PLXNA4: variants seen among roughly 807,000 people sequenced by gnomAD.
The protein encoded by PLXNA4 is plexin-A4.
In PLXNA4, 44 loss-of-function variants were observed where a neutral mutation model predicts 191.8. That is an observed-to-expected ratio of 0.23 (90% CI 0.18 to 0.29). PLXNA4 has a LOEUF of 0.29. PLXNA4 is among the 10% of genes least tolerant of loss of function. The pLI is 1.00. For missense variants in PLXNA4, 1,800 were observed against 2,488.8 expected, an observed-to-expected ratio of 0.72 and a Z score of 5.89; for synonymous variants, 1,082 against 1,009.5, an observed-to-expected ratio of 1.07 and a Z score of -1.36.
At chr7:132,524,194 TTG>T (rs1303855978) in intron 1 of PLXNA4, among the ~76,000 whole-genome samples, 1 of 152,154 alleles carries the variant, frequency 6.6e-6, no homozygotes, top group Non-Finnish European at 1.5e-5. Context: ...GATGCAGAGA[TTG>T]TACCAAGGGT....
chr7:132,338,036 C>T (rs1050923323), intron 3 of PLXNA4, among the ~76,000 whole-genome samples: 11 of 152,130 alleles, frequency 7.2e-5, no homozygotes, highest in South Asian at 4.1e-4. Flanking sequence ...CACTGTAGAG[C>T]GCTGTTATAT....
chr7:132,372,417 A>G (rs568550736), intron 3 of PLXNA4, among the ~76,000 whole-genome samples: 22 of 152,210 alleles, frequency 1.4e-4, no homozygotes, highest in Non-Finnish European at 2.9e-4. Context: ...TTCTTCATTG[A>G]AGGAGTCCCT....
At chr7:132,486,430 A>T (rs1212517573) in intron 3 of PLXNA4, among the ~76,000 whole-genome samples, 1 of 152,254 alleles carries the variant, frequency 6.6e-6, no homozygotes. Context: ...TTCAAACAAC[A>T]GACTCGGCAG....
intron 1 of PLXNA4, among the ~76,000 whole-genome samples, chr7:132,561,592 TCTCTTCCTCCTC>T (rs1801082403): frequency 2.1e-5 from 1 of 48,178 alleles, no homozygotes; most frequent in African/African-American, 8.5e-5. Context: ...TCTTCCTCCT[TCTCTTCCTCCTC>T]CTTCTCTTCC....
chr7:132,616,505 A>G (rs564206533), intron 2 of PLXNA4, among the ~76,000 whole-genome samples: 27 of 152,132 alleles, frequency 1.8e-4, no homozygotes, highest in Non-Finnish European at 3.8e-4. Flanking sequence ...GTGGCCTCCA[A>G]ACATTTTTAA....
chr7:132,492,943 T>G (rs78298487), intron 2 of PLXNA4, among the ~76,000 whole-genome samples: 4,357 of 152,296 alleles, frequency 0.029, 79 homozygotes, highest in Middle Eastern at 0.061. Flanking sequence ...GACCACAGCA[T>G]GCACTGCAAA....
intron 3 of PLXNA4, among the ~76,000 whole-genome samples, chr7:132,428,229 C>A (rs1795125656): frequency 1.3e-5 from 2 of 152,126 alleles, no homozygotes; most frequent in Non-Finnish European, 2.9e-5. Flanking sequence ...GGGGCTCTGG[C>A]CCAAAGAGCC....
At chr7:132,157,018 C>T (rs1024992399) in intron 25 of PLXNA4, among the ~76,000 whole-genome samples, 4 of 152,160 alleles carry the variant, frequency 2.6e-5, no homozygotes, top group Non-Finnish European at 5.9e-5. Context: ...GAGAGGGGGG[C>T]CCTGAGGTTC....
intron 2 of PLXNA4, among the ~76,000 whole-genome samples, chr7:132,587,449 C>T (rs889360779): frequency 5.3e-5 from 8 of 152,158 alleles, no homozygotes; most frequent in African/African-American, 1.2e-4. Context: ...TCCATCACTT[C>T]GTGTGGTCAG....
rs373660721 is a variant in PLXNA4, at chr7:132,413,423, G to C, written c.1371+75869C>G. Among the ~76,000 whole-genome samples, 7 of 152,252 alleles carry C rather than the reference G, an allele frequency of 4.6e-5. No individual in the cohort carries two copies. In the East Asian group the frequency reaches 1.4e-3, roughly 29 times the overall value. On this transcript the variant is annotated intron_variant, in intron 3 of 31. Coordinates refer to ENST00000321063, the MANE Select transcript of PLXNA4 (RefSeq NM_020911.2). ...GGACAACTCTGACCCTGGAGCCAGG[G>C]GGCTGTTTATTCCACCATGTGGCTG...
intron 2 of PLXNA4, among the ~76,000 whole-genome samples, chr7:132,582,880 G>A (rs1202308921): frequency 6.6e-6 from 1 of 152,152 alleles, no homozygotes; most frequent in Non-Finnish European, 1.5e-5. Context: ...ACAAAGTGGG[G>A]CATGCTTGAT....
intron 4 of PLXNA4, among the ~76,000 whole-genome samples, chr7:132,263,852 T>C (rs1476845961): frequency 6.6e-6 from 1 of 152,168 alleles, no homozygotes; most frequent in Non-Finnish European, 1.5e-5. Flanking sequence ...GGAAAATCGC[T>C]TGGGAAATAG....
chr7:132,453,743 T>C (rs550369571), intron 3 of PLXNA4, among the ~76,000 whole-genome samples: 3 of 152,180 alleles, frequency 2.0e-5, no homozygotes, highest in Non-Finnish European at 2.9e-5. Context: ...GGTTTCACCA[T>C]GTTGGCCAGG....
intron 6 of PLXNA4, 87 bp from the exon 7 acceptor site, chr7:132,227,691 G>A: frequency 6.5e-7 from 1 of 1,535,582 alleles, no homozygotes; most frequent in Non-Finnish European, 8.9e-7. Flanking sequence ...GTGGGAGAGT[G>A]AGAGAGATCA....
chr7:132,227,422 C>T lies in PLXNA4; in HGVS notation c.1882+29G>A, dbSNP rs1348223449. 1.9e-6 allele frequency: 3 copies of T among 1,613,634 alleles called. No homozygotes were observed. The South Asian group carries it at 3.3e-5, about 18-fold the overall frequency. ...CTTATCTAGCCAGGAGGAAGAAGTG[C>T]CACTCAGCTGTGCCTCCGGGATGCT... On this transcript the variant is annotated intron_variant, in intron 7 of 31. Coordinates refer to ENST00000321063, the MANE Select transcript of PLXNA4 (RefSeq NM_020911.2).
chr7:132,331,255 C>A (rs1802579691), intron 3 of PLXNA4, among the ~76,000 whole-genome samples: 1 of 152,268 alleles, frequency 6.6e-6, no homozygotes, highest in Admixed American at 6.5e-5. Flanking sequence ...GATATGGGAG[C>A]ATCTCCCTGC....
At chr7:132,458,049 G>C (rs1340274110) in intron 3 of PLXNA4, among the ~76,000 whole-genome samples, 1 of 152,164 alleles carries the variant, frequency 6.6e-6, no homozygotes, top group Non-Finnish European at 1.5e-5. Flanking sequence ...AGCAGCCATA[G>C]GAAACCAACA....
At position 132,238,237 on chromosome 7, in the gene PLXNA4, C is replaced by G. The variant is rs56011908; in HGVS notation, c.1604+2829G>C. Among the ~76,000 whole-genome samples, 1,279 of 152,212 alleles carry G rather than the reference C, an allele frequency of 8.4e-3. 23 individuals carry two copies. Among genetic ancestry groups the G allele is most frequent in the African/African-American group, 0.029 (1,207 of 41,526 alleles). On this transcript the variant is annotated intron_variant, in intron 5 of 31. Transcript: ENST00000321063. The stretch of plus-strand genomic sequence containing the variant: ...AGTAAAATGTCTTTAAACAGAAACA[C>G]ACACAAAACAAGGTTATAGATGGAT...
chr7:132,154,739 G>C (rs1348818686), intron 25 of PLXNA4, among the ~76,000 whole-genome samples: 1 of 152,188 alleles, frequency 6.6e-6, no homozygotes, highest in African/African-American at 2.4e-5. Context: ...CAGTGGGAAG[G>C]AGGGAAGGTG....
Sources: gnomAD v4.1 joint callset for allele counts (sites outside exome capture counted in the v4.1 genomes callset) on GRCh38, gnomAD v4.1.1 for gene constraint, MANE v1.5 for transcripts, NCBI Gene and HGNC (gene_info 2026-07-23, HGNC 2026-07-21) for gene names.